The following NRBP2 variants were observed in gnomAD, a reference collection of about 807,000 sequenced individuals.
The protein encoded by NRBP2 is nuclear receptor-binding protein 2.
Under a neutral mutation model 74.4 loss-of-function variants are expected in NRBP2, and 47 were observed. The observed-to-expected ratio is 0.63, with a 90% CI of 0.50 to 0.81. NRBP2 has a LOEUF of 0.81. Ranked by LOEUF, NRBP2 falls within the 30% of genes least tolerant of loss-of-function variation. The pLI is 0.00. For synonymous variants in NRBP2, 312 were observed against 273.8 expected (o/e 1.14, Z -1.38); for missense variants, 613 against 690.1 (o/e 0.89, Z 1.25).
In NRBP2 at chr8:143,837,746, G is replaced by C; in HGVS notation, c.850C>G (p.Leu284Val). The change falls in exon 11 of 18, where the codon CTT becomes GTT. Residue 284 changes from leucine to valine, a missense_variant. Transcript: ENST00000442628. The surrounding 1 kb of genome is among the most constrained non-coding windows in gnomAD (Gnocchi z 4.3). ...GCAGGGTCCCGGGCCAGGCAGCAAA[G>C]GATGAACTCCTGGGGCACAGGGAGG... is the stretch of plus-strand genomic sequence containing the variant. ...LSDPNMREFI[L>V]CCLARDPARR... 1.9e-6 allele frequency: 3 copies of C among 1,560,408 alleles called. No homozygotes were observed. Among genetic ancestry groups the C allele is most frequent in the Non-Finnish European group, 2.6e-6 (3 of 1,151,364 alleles).
rs782410909 is a variant in NRBP2, at chr8:143,839,415, A to G, written c.486-7T>C. ...GCTGCAGGCGTGCAGGAAGCTGCAG[A>G]CGTTGGGGAGGGGAGAGTAGGAGGA... On this transcript the variant is annotated splice_region_variant and splice_polypyrimidine_tract_variant and intron_variant, in intron 5 of 17. Coordinates refer to ENST00000442628, the MANE Select transcript of NRBP2 (RefSeq NM_178564.4). This position sits in a 1 kb window ranked among gnomAD's most constrained non-coding sequence, Gnocchi z 5.1. 7 of 1,557,996 alleles carry G rather than the reference A, an allele frequency of 4.5e-6. No individual in the cohort carries two copies. In the African/African-American group the frequency reaches 6.8e-5, roughly 15 times the overall value.
At chr8:143,833,486 C>G (rs528108742), downstream of NRBP2, 6 of 152,140 alleles carry the variant, frequency 3.9e-5, no homozygotes, top group African/African-American at 1.4e-4. Flanking sequence ...CCAGGGACAT[C>G]TAATGTAGAA....
In NRBP2 at chr8:143,837,723, A is replaced by G; in HGVS notation, c.873T>C (p.Pro291=). The G allele has an allele frequency of 6.4e-7, 1 of 1,562,846 alleles. No homozygotes were observed. ...EFILCCLARD[P]ARRPSAHSLL... ...GGCTGTGGGCAGAGGGCCGGCGGGC[A>G]GGGTCCCGGGCCAGGCAGCAAAGGA... The change falls in exon 11 of 18, where the codon CCT becomes CCC. Residue 291 remains proline (P), a synonymous_variant. Transcript: ENST00000442628. The surrounding 1 kb of genome is among the most constrained non-coding windows in gnomAD (Gnocchi z 4.3).
chr8:143,840,049 C>T lies in NRBP2; in HGVS notation c.253-19G>A, dbSNP rs1554653315. The T allele has an allele frequency of 2.6e-6, 4 of 1,536,076 alleles. No homozygotes were observed. In the Admixed American group the frequency reaches 7.8e-5, roughly 30 times the overall value. On this transcript the variant is annotated intron_variant, in intron 2 of 17. Transcript: ENST00000442628. This position sits in a 1 kb window ranked among gnomAD's most constrained non-coding sequence, Gnocchi z 5.7. ...TCTTCTCCTGGGGAGGGAGGGTGGT[C>T]GCTGGGTGGTCAGCAGGTGGTCACC...
rs782815937 is a variant in NRBP2 at position 143,839,069 on chromosome 8, G to A, written c.636C>T (p.Arg212=). 1.5e-5 allele frequency: 23 copies of A among 1,532,552 alleles called. No homozygotes were observed. In the South Asian group the frequency reaches 1.6e-4, roughly 10 times the overall value. The allele number at this position is 1,532,552 out of a possible 1,614,324, so 94.9% of individuals were successfully genotyped here. ...GGTTCCGAAGTTCCTCTCGCTCAGC[G>A]CGGATGGGGCTTCGGAGATCATCTG... is the stretch of plus-strand genomic sequence containing the variant. The part of the protein sequence containing the change: ...ALPDDLRSPI[R]AEREELRNLH... Residue 212 remains arginine, a synonymous_variant, in exon 8 of 18, where the codon CGC becomes CGT. Transcript: ENST00000442628. This position sits in a 1 kb window ranked among gnomAD's most constrained non-coding sequence, Gnocchi z 5.1.
chr8:143,839,109 G>T lies in NRBP2; in HGVS notation c.605-9C>A. On this transcript the variant is annotated splice_polypyrimidine_tract_variant and intron_variant, in intron 7 of 17. Transcript: ENST00000442628. This position sits in a 1 kb window ranked among gnomAD's most constrained non-coding sequence, Gnocchi z 5.1. ...GAGATCATCTGGAAGTGCTGTGGGA[G>T]GGCGCAGAGCTGAGCGGGCGGGGAC... The T allele has an allele frequency of 1.3e-6, 2 of 1,519,856 alleles. No individual in the cohort carries two copies. The highest frequency in any genetic ancestry group is 2.5e-5 in the South Asian group (2 of 81,518). The allele number at this position is 1,519,856 out of a possible 1,614,324, so 94.1% of individuals were successfully genotyped here.
Position 143,839,812 on chromosome 8 carries a change from G to GTGA in NRBP2, c.365_367dup (p.Ile122dup). The stretch of plus-strand genomic sequence containing the variant: ...GAGGCTGCCTGATGACACGTACTCT[G>GTGA]TGATGAAGATGACCTGCACGGTGCG... On this transcript the variant is annotated inframe_insertion, in exon 4 of 18. Coordinates refer to ENST00000442628, the MANE Select transcript of NRBP2 (RefSeq NM_178564.4). This position sits in a 1 kb window ranked among gnomAD's most constrained non-coding sequence, Gnocchi z 5.1. The GTGA allele has an allele frequency of 6.5e-7, 1 of 1,536,116 alleles. No homozygotes were observed.
chr8:143,837,710 A>T lies in NRBP2; in HGVS notation c.886T>A (p.Ser296Thr), dbSNP rs1554652330. ...CGGTGGAAGAGGAGGCTGTGGGCAG[A>T]GGGCCGGCGGGCAGGGTCCCGGGCC... Reference protein sequence around the residue: ...CLARDPARRPSAHSLLFHRVL... With the variant: ...CLARDPARRPTAHSLLFHRVL... The change falls in exon 11 of 18, where the codon TCT (serine) becomes ACT (threonine). Residue 296 changes from serine (S) to threonine (T), a missense_variant. Around this residue, in one of 2 missense-constraint regions of NRBP2, gnomAD observed 332 missense variants for 429.2 expected, o/e 0.77. Transcript: ENST00000442628. The surrounding 1 kb of genome is among the most constrained non-coding windows in gnomAD (Gnocchi z 4.3). 6.4e-6 allele frequency: 10 copies of T among 1,566,624 alleles called. No individual in the cohort carries two copies. Among genetic ancestry groups the T allele is most frequent in the Non-Finnish European group, 8.7e-6 (10 of 1,155,106 alleles).
rs1230760496 is a variant in NRBP2, at chr8:143,834,075, T to G, written c.*1587A>C. 1.3e-5 allele frequency: 2 copies of G among 152,194 alleles called. No homozygotes were observed. Among genetic ancestry groups the G allele is most frequent in the African/African-American group, 4.8e-5 (2 of 41,456 alleles). The allele number at this position is 152,194 out of a possible 1,614,324, so 9.4% of individuals were successfully genotyped here. On this transcript the variant is annotated 3_prime_UTR_variant, in exon 18 of 18. Coordinates refer to ENST00000442628, the MANE Select transcript of NRBP2 (RefSeq NM_178564.4). ...TCCCCAACAAAAGAGGTTCATTCCT[T>G]AATCCCTGGAACCAGTGAATGTTAG... is the stretch of plus-strand genomic sequence containing the variant.
chr8:143,831,682 A>T (rs1191070555), downstream of NRBP2, among the ~76,000 whole-genome samples: 1 of 152,238 alleles, frequency 6.6e-6, no homozygotes, highest in African/African-American at 2.4e-5. Context: ...GAAAATAAGG[A>T]AATGAGAGAA....
rs540908347 is a variant in NRBP2 at position 143,840,769 on chromosome 8, G to A, written c.66C>T (p.Ser22=). 4.2e-4 allele frequency: 635 copies of A among 1,511,692 alleles called. 6 individuals are homozygous for A. In the East Asian group the frequency reaches 0.013, roughly 30 times the overall value. The allele number at this position is 1,511,692 out of a possible 1,614,324, so 93.6% of individuals were successfully genotyped here. The change falls in exon 1 of 18, where the codon AGC becomes AGT. Residue 22 remains serine (S), a synonymous_variant. Transcript: ENST00000442628. The surrounding 1 kb of genome is among the most constrained non-coding windows in gnomAD (Gnocchi z 5.7). ...CCTCCAGGATGTCGCTCTCGTCCTCGCTCTCGTCCTCCCGCTCCCGCTCCC... is the reference window on the plus strand; with the variant it reads ...CCTCCAGGATGTCGCTCTCGTCCTCACTCTCGTCCTCCCGCTCCCGCTCCC... ...REREREREDE[S]EDESDILEES...
Position 143,835,416 on chromosome 8 carries a change from G to C in NRBP2, c.*246C>G, listed in dbSNP as rs1471258096. 6.6e-6 allele frequency: 4 copies of C among 607,278 alleles called. No individual in the cohort carries two copies. Among genetic ancestry groups the C allele is most frequent in the East Asian group, 5.9e-5 (2 of 33,884 alleles). The allele number at this position is 607,278 out of a possible 1,614,324, so 37.6% of individuals were successfully genotyped here. A position where few individuals can be genotyped will look rare whatever the true frequency, so the allele number is the denominator to read the frequency against. On this transcript the variant is annotated 3_prime_UTR_variant, in exon 18 of 18. Coordinates refer to ENST00000442628, the MANE Select transcript of NRBP2 (RefSeq NM_178564.4). This position sits in a 1 kb window ranked among gnomAD's most constrained non-coding sequence, Gnocchi z 4.9. The stretch of plus-strand genomic sequence containing the variant: ...GCGGAGAATGGAGGATATGGGAAGG[G>C]GTTCTGGGGGCAACCCTGATCCTAA...
downstream of NRBP2, among the ~76,000 whole-genome samples, chr8:143,830,016 G>A (rs1282919680): frequency 6.6e-6 from 1 of 152,158 alleles, no homozygotes; most frequent in Non-Finnish European, 1.5e-5. Context: ...ACCCCAACTC[G>A]GTCATCCGAA....
At position 143,839,511 on chromosome 8, in the gene NRBP2, G is replaced by C. The variant is rs1818597319; in HGVS notation, c.483C>G (p.Leu161=). 1.3e-6 allele frequency: 2 copies of C among 1,533,410 alleles called. No individual in the cohort carries two copies. Among genetic ancestry groups the C allele is most frequent in the Admixed American group, 2.0e-5 (1 of 50,930 alleles). 95.0% of individuals were successfully genotyped at this position (1,533,410 alleles called of 1,614,324 possible). A position where few individuals can be genotyped will look rare whatever the true frequency, so the allele number is the denominator to read the frequency against. ...CCCAGGCCAGCCCAGGCCCTCACCT[G>C]AGCGCAGACAGGATCTGCGTGCACC... ...KRWCTQILSA[L]SFLHACSPPI... is the part of the protein sequence containing the mutation. Residue 161 remains leucine (L), a splice_region_variant and synonymous_variant, in exon 5 of 18, where the codon CTC becomes CTG. Coordinates refer to ENST00000442628, the MANE Select transcript of NRBP2 (RefSeq NM_178564.4). The surrounding 1 kb of genome is among the most constrained non-coding windows in gnomAD (Gnocchi z 5.1).
intron 14 of NRBP2, among the ~76,000 whole-genome samples, chr8:143,836,394 G>A (rs1360696089): frequency 6.6e-5 from 10 of 152,136 alleles, no homozygotes; most frequent in South Asian, 6.2e-4. Flanking sequence ...CTTTCACCGC[G>A]GAGAGAACAA....
rs1267221786 is a variant in NRBP2, at chr8:143,835,200, C to A, written c.*462G>T. The stretch of plus-strand genomic sequence containing the variant: ...TCACCGCTGGCTTGCTGTGCAGGCT[C>A]CTTGTGTGGGTCTATGGTGCCAGCA... On this transcript the variant is annotated 3_prime_UTR_variant, in exon 18 of 18. Transcript: ENST00000442628. This position sits in a 1 kb window ranked among gnomAD's most constrained non-coding sequence, Gnocchi z 4.9. The A allele has an allele frequency of 1.6e-5, 3 of 189,352 alleles. No homozygotes were observed. Among genetic ancestry groups the A allele is most frequent in the African/African-American group, 2.4e-5 (1 of 41,664 alleles). 11.7% of individuals were successfully genotyped at this position (189,352 alleles called of 1,614,324 possible).
downstream of NRBP2, among the ~76,000 whole-genome samples, chr8:143,831,367 G>A (rs1554650230): frequency 6.6e-6 from 1 of 152,224 alleles, no homozygotes; most frequent in Non-Finnish European, 1.5e-5. Flanking sequence ...TGCCTTCCCA[G>A]CACTTCAGGA....
chr8:143,836,569 A>T (rs1401915511), intron 14 of NRBP2, among the ~76,000 whole-genome samples: 3 of 151,060 alleles, frequency 2.0e-5, no homozygotes, highest in African/African-American at 7.3e-5. Flanking sequence ...TTTGCCTGTT[A>T]GGACATGAAT....
At chr8:143,832,087 C>T (rs1469616764), downstream of NRBP2, among the ~76,000 whole-genome samples, 1 of 152,236 alleles carries the variant, frequency 6.6e-6, no homozygotes, top group East Asian at 1.9e-4. Flanking sequence ...GAAAATTCTT[C>T]TGCCTTGAGA....
Sources: allele counts gnomAD v4.1 joint callset (sites outside exome capture counted in the v4.1 genomes callset), GRCh38; gene constraint gnomAD v4.1.1; regional missense constraint gnomAD v4.1.1; non-coding constraint Gnocchi (gnomAD v3.1); transcripts MANE v1.5; gene names NCBI Gene and HGNC (gene_info 2026-07-23, HGNC 2026-07-21).